DCLRE1B: variants seen among roughly 807,000 people sequenced by gnomAD.
The protein encoded by DCLRE1B is 5' exonuclease Apollo.
Under a neutral mutation model 19.8 loss-of-function variants are expected in DCLRE1B, and 6 were observed. That is an observed-to-expected ratio of 0.30 (90% CI 0.17 to 0.60). The LOEUF (loss-of-function observed/expected upper bound fraction) is 0.60. DCLRE1B is among the 20% of genes least tolerant of loss of function. The pLI is 0.87. For synonymous variants in DCLRE1B, 258 were observed against 255.7 expected (o/e 1.01, Z -0.09); for missense variants, 622 against 654.2 (o/e 0.95, Z 0.54).
rs2101075574 is a variant in DCLRE1B at position 113,911,796 on chromosome 1, C to A, written c.1204C>A (p.Pro402Thr). The A allele has an allele frequency of 6.2e-7, 1 of 1,614,188 alleles. No individual in the cohort carries two copies. The highest frequency in any genetic ancestry group is 1.6e-4 in the Middle Eastern group (1 of 6,062). The stretch of plus-strand genomic sequence containing the variant: ...TTTGCGGATCAAGAAGCAGTTGTTC[C>A]CAGATCTCTATAGCAAAGAATGGAA... ...HPLRIKKQLF[P>T]DLYSKEWNKA... Residue 402 changes from proline (P) to threonine (T), a missense_variant, in exon 4 of 4, where the codon CCA (proline) becomes ACA (threonine). By Grantham distance (38) the Pro-to-Thr change is conservative. Coordinates refer to ENST00000650450, the MANE Select transcript of DCLRE1B (RefSeq NM_022836.4).
chr1:113,905,394 G>A lies in DCLRE1B; in HGVS notation c.-193G>A. 1 of 616,492 alleles carries A rather than the reference G, an allele frequency of 1.6e-6. No individual in the cohort carries two copies. 38.2% of individuals were successfully genotyped at this position (616,492 alleles called of 1,614,324 possible). A position where few individuals can be genotyped will look rare whatever the true frequency, so the allele number is the denominator to read the frequency against. ...GTGTCCAGCGCCCTCCGCGATTTGG[G>A]CTCCAGCGGGCAGGGTGACTTCCTT... On this transcript the variant is annotated 5_prime_UTR_variant, in exon 1 of 4. Transcript: ENST00000650450.
intron 1 of DCLRE1B, 33 bp from the exon 2 acceptor site, chr1:113,906,963 A>T: frequency 6.2e-7 from 1 of 1,612,102 alleles, no homozygotes. Flanking sequence ...GAGAGGAGTC[A>T]GTGGTCACTG....
chr1:113,909,846 G>A (rs947266050), intron 3 of DCLRE1B, among the ~76,000 whole-genome samples: 1 of 152,066 alleles, frequency 6.6e-6, no homozygotes, highest in Non-Finnish European at 1.5e-5. Context: ...GGTGGAAGTG[G>A]GAATATATAT....
chr1:113,904,804 G>A (rs2101058359), upstream of DCLRE1B: 1 of 1,118,780 alleles, frequency 8.9e-7, no homozygotes, highest in East Asian at 2.4e-5. Context: ...CTGAGTAAAG[G>A]AAATATGAGT....
chr1:113,908,383 G>T (rs1669122338), intron 3 of DCLRE1B, among the ~76,000 whole-genome samples, 192 bp downstream of exon 3: 1 of 152,206 alleles, frequency 6.6e-6, no homozygotes, highest in African/African-American at 2.4e-5. Flanking sequence ...CAAGATGGGA[G>T]GGTCATTTGA....
Position 113,911,968 on chromosome 1 carries a change from C to T in DCLRE1B, c.1376C>T (p.Pro459Leu). The change falls in exon 4 of 4, where the codon CCC becomes CTC. Residue 459 changes from proline to leucine, a missense_variant. Pro to Leu is a moderately conservative substitution (Grantham distance 98). Transcript: ENST00000650450. ...EEIGLGSPLV[P>L]MGDDDGGPEA... Reference sequence around the variant, plus strand: ...ATTGGTTTAGGGTCCCCCTTGGTACCCATGGGAGATGATGATGGAGGTCCA... The same window carrying T: ...ATTGGTTTAGGGTCCCCCTTGGTACTCATGGGAGATGATGATGGAGGTCCA... 6.2e-7 allele frequency: 1 copy of T among 1,614,150 alleles called. No homozygotes were observed. Among genetic ancestry groups the T allele is most frequent in the Non-Finnish European group, 8.5e-7 (1 of 1,180,028 alleles).
Position 113,905,449 on chromosome 1 carries a change from T to C in DCLRE1B, c.-138T>C. On this transcript the variant is annotated 5_prime_UTR_variant, in exon 1 of 4. Coordinates refer to ENST00000650450, the MANE Select transcript of DCLRE1B (RefSeq NM_022836.4). Reference sequence around the variant, plus strand: ...TGCCCACTCTGGTAACTTATTGCTCTGCTGGGCTCTTTCCCTTAGGGTCTC... The same window carrying C: ...TGCCCACTCTGGTAACTTATTGCTCCGCTGGGCTCTTTCCCTTAGGGTCTC... 1.2e-6 allele frequency: 1 copy of C among 839,426 alleles called. No individual in the cohort carries two copies. Among genetic ancestry groups the C allele is most frequent in the Non-Finnish European group, 1.9e-6 (1 of 532,578 alleles). The allele number at this position is 839,426 out of a possible 1,614,324, so 52.0% of individuals were successfully genotyped here.
chr1:113,907,152 C>A lies in DCLRE1B; in HGVS notation c.346C>A (p.Leu116Ile). The A allele has an allele frequency of 6.2e-7, 1 of 1,600,860 alleles. No homozygotes were observed. Among genetic ancestry groups the A allele is most frequent in the Non-Finnish European group, 8.5e-7 (1 of 1,173,362 alleles). Residue 116 changes from leucine (L) to isoleucine (I), a missense_variant, in exon 2 of 4, where the codon CTC (leucine) becomes ATC (isoleucine). By Grantham distance (5) the Leu-to-Ile change is conservative. Coordinates refer to ENST00000650450, the MANE Select transcript of DCLRE1B (RefSeq NM_022836.4). ...FLFEGYFGTI[L>I]YTGDFRYTPS... ...CTTTGAAGGATATTTTGGAACCATC[C>A]TCTACACAGGTGGGCCTCTCAAGGA...
chr1:113,911,014 G>C, intron 3 of DCLRE1B, 117 bp from the exon 4 acceptor site: 1 of 971,384 alleles, frequency 1.0e-6, no homozygotes, highest in Non-Finnish European at 1.5e-6. Flanking sequence ...ATTCTCCCTG[G>C]ATTTCTCCAT....
upstream of DCLRE1B, chr1:113,904,846 C>G (rs1668774317): frequency 2.3e-6 from 2 of 851,588 alleles, no homozygotes; most frequent in Non-Finnish European, 3.9e-6. Context: ...GATCTCGCCT[C>G]AGGCTCGGCT....
At chr1:113,907,299 C>G in intron 2 of DCLRE1B, 138 bp downstream of exon 2, 2 of 778,528 alleles carry the variant, frequency 2.6e-6, no homozygotes, top group Non-Finnish European at 1.9e-6. Context: ...CTCAAGCAAT[C>G]CTCCCGCTTC....
rs1237344948 is a variant in DCLRE1B, at chr1:113,911,752, A to G, written c.1160A>G (p.Lys387Arg). 1 of 1,614,152 alleles carries G rather than the reference A, an allele frequency of 6.2e-7. No individual in the cohort carries two copies. Residue 387 changes from lysine to arginine, a missense_variant, in exon 4 of 4, where the codon AAG becomes AGG. By Grantham distance (26) the Lys-to-Arg change is conservative (BLOSUM62 2). Transcript: ENST00000650450. ...KLSPWPADLEKQPSHHPLRIK... is the reference protein window; with the variant it reads ...KLSPWPADLERQPSHHPLRIK... ...TCTCCCTGGCCTGCGGACCTTGAAA[A>G]GCAGCCTTCCCACCATCCTTTGCGG...
rs898834778 is a variant in DCLRE1B, at chr1:113,907,217, T to G, written c.355+56T>G. 171 of 1,212,512 alleles carry G rather than the reference T, an allele frequency of 1.4e-4. 1 individual carries two copies. Among genetic ancestry groups the G allele is most frequent in the East Asian group, 9.0e-4 (34 of 37,688 alleles). 75.1% of individuals were successfully genotyped at this position (1,212,512 alleles called of 1,614,324 possible). ...TCCAGACTAGATGTTTTTTTTTTTT[T>G]TTTTTTTTTTTTTTTTTAATGTATA... On this transcript the variant is annotated intron_variant, in intron 2 of 3. Coordinates refer to ENST00000650450, the MANE Select transcript of DCLRE1B (RefSeq NM_022836.4).
At position 113,911,744 on chromosome 1, in the gene DCLRE1B, C is replaced by T. The variant is rs765353522; in HGVS notation, c.1152C>T (p.Asp384=). 6.2e-7 allele frequency: 1 copy of T among 1,614,134 alleles called. No individual in the cohort carries two copies. The highest frequency in any genetic ancestry group is 1.1e-5 in the South Asian group (1 of 91,076). The change falls in exon 4 of 4, where the codon GAC becomes GAT. Residue 384 remains aspartate, a synonymous_variant. Coordinates refer to ENST00000650450, the MANE Select transcript of DCLRE1B (RefSeq NM_022836.4). ...AGAAACTTTCTCCCTGGCCTGCGGA[C>T]CTTGAAAAGCAGCCTTCCCACCATC... is the stretch of plus-strand genomic sequence containing the variant. The part of the protein sequence containing the change: ...KKEKLSPWPA[D]LEKQPSHHPL...
Position 113,912,003 on chromosome 1 carries a change from G to GGGAA in DCLRE1B, c.1412_1415dup (p.Asn472LysfsTer26). ...TGATGATGGAGGTCCAGAAGCCACA[G>GGGAA]GGAATCAGAGTGCCTGGATGGGCCA... is the stretch of plus-strand genomic sequence containing the variant. On this transcript the variant is annotated frameshift_variant, in exon 4 of 4. Coordinates refer to ENST00000650450, the MANE Select transcript of DCLRE1B (RefSeq NM_022836.4). LOFTEE classifies it low-confidence loss of function (END_TRUNC). 1 of 1,614,216 alleles carries GGGAA rather than the reference G, an allele frequency of 6.2e-7. No individual in the cohort carries two copies. Among genetic ancestry groups the GGGAA allele is most frequent in the Non-Finnish European group, 8.5e-7 (1 of 1,180,038 alleles).
At chr1:113,904,802 A>G (rs1366819236), upstream of DCLRE1B, 14 of 1,117,546 alleles carry the variant, frequency 1.3e-5, no homozygotes, top group Middle Eastern at 5.7e-4. Flanking sequence ...GCCTGAGTAA[A>G]GGAAATATGA....
In DCLRE1B at chr1:113,912,357, G is replaced by A; in HGVS notation, c.*166G>A. 1.7e-6 allele frequency: 1 copy of A among 591,342 alleles called. No homozygotes were observed. Among genetic ancestry groups the A allele is most frequent in the Non-Finnish European group, 2.8e-6 (1 of 356,198 alleles). The allele number at this position is 591,342 out of a possible 1,614,324, so 36.6% of individuals were successfully genotyped here. ...CACTTCCCAAAACTTGTTCACTGGG[G>A]TCCTCGTGCCTATGGAATCCTTCTT... On this transcript the variant is annotated 3_prime_UTR_variant, in exon 4 of 4. Coordinates refer to ENST00000650450, the MANE Select transcript of DCLRE1B (RefSeq NM_022836.4).
At chr1:113,908,987 A>C (rs1444878863) in intron 3 of DCLRE1B, among the ~76,000 whole-genome samples, 1 of 152,220 alleles carries the variant, frequency 6.6e-6, no homozygotes. Context: ...CCTAAACCCA[A>C]CCAAGAGCTA....
chr1:113,911,320 T>A lies in DCLRE1B; in HGVS notation c.728T>A (p.Leu243Gln). The A allele has an allele frequency of 6.2e-7, 1 of 1,614,178 alleles. No homozygotes were observed. The highest frequency in any genetic ancestry group is 1.1e-5 in the South Asian group (1 of 91,086). Residue 243 changes from leucine to glutamine, a missense_variant, in exon 4 of 4, where the codon CTG (leucine) becomes CAG (glutamine). Leu to Gln is a moderately radical substitution (Grantham distance 113). Around this residue, in one of 3 missense-constraint regions of DCLRE1B, gnomAD observed 382 missense variants for 412.5 expected, o/e 0.93. Coordinates refer to ENST00000650450, the MANE Select transcript of DCLRE1B (RefSeq NM_022836.4). ...ATGGAGATCTGCCATTCCAACATGC[T>A]GCGTTGGAACCAGACCCACCCTACG... Reference protein sequence around the residue: ...DHMEICHSNMLRWNQTHPTIA... With the variant: ...DHMEICHSNMQRWNQTHPTIA...
Sources: gnomAD v4.1 joint callset for allele counts (sites outside exome capture counted in the v4.1 genomes callset) on GRCh38, gnomAD v4.1.1 for gene constraint, gnomAD v4.1.1 regional missense constraint, MANE v1.5 for transcripts, NCBI Gene and HGNC (gene_info 2026-07-23, HGNC 2026-07-21) for gene names.